Variants in TMTC2 observed in about 807,000 individuals in gnomAD.
TMTC2 encodes the protein protein O-mannosyl-transferase TMTC2.
TMTC2 carries 43 observed loss-of-function variants against 82.4 expected under a neutral mutation model. The ratio of observed to expected loss-of-function variants is 0.52; its 90% CI spans 0.41 to 0.67. The LOEUF (loss-of-function observed/expected upper bound fraction) is 0.67. TMTC2 is among the 30% of genes least tolerant of loss of function. TMTC2 has a pLI of 0.00. For missense variants in TMTC2, 919 were observed against 1,012.4 expected (o/e 0.91, Z 1.25); for synonymous variants, 408 against 381.9 (o/e 1.07, Z -0.80).
At chr12:82,849,326 G>GA (rs1242367182) in intron 1 of TMTC2, among the ~76,000 whole-genome samples, 1 of 151,998 alleles carries the variant, frequency 6.6e-6, no homozygotes, top group African/African-American at 2.4e-5. Flanking sequence ...GAAGGAAAGA[G>GA]AAAAAATGAT....
At chr12:82,809,546 A>C (rs920992139) in intron 1 of TMTC2, among the ~76,000 whole-genome samples, 12 of 152,170 alleles carry the variant, frequency 7.9e-5, no homozygotes, top group African/African-American at 2.7e-4. Flanking sequence ...GTGTTTAAAC[A>C]TACAGTATAT....
intron 1 of TMTC2, among the ~76,000 whole-genome samples, chr12:82,815,609 G>C (rs1868665529): frequency 6.6e-6 from 1 of 152,030 alleles, no homozygotes; most frequent in Non-Finnish European, 1.5e-5. Context: ...AAGGTTTATT[G>C]ATGTTGGCAT....
chr12:83,052,054 A>G (rs949964843), intron 10 of TMTC2, among the ~76,000 whole-genome samples: 1 of 152,024 alleles, frequency 6.6e-6, no homozygotes, highest in African/African-American at 2.4e-5. Flanking sequence ...TTAAATCCCT[A>G]CTTAAATGCT....
chr12:82,802,036 A>C (rs1592533270), intron 1 of TMTC2, among the ~76,000 whole-genome samples: 1 of 89,630 alleles, frequency 1.1e-5, no homozygotes, highest in Admixed American at 9.3e-5. Flanking sequence ...CCGTGCGCCC[A>C]CACACTCCTC....
chr12:82,993,453 C>A (rs1422495910), intron 8 of TMTC2, among the ~76,000 whole-genome samples: 2 of 151,416 alleles, frequency 1.3e-5, no homozygotes, highest in Non-Finnish European at 2.9e-5. Context: ...AACTTCATAG[C>A]CTAGATATAT....
At chr12:82,894,322 T>G (rs1180121398) in intron 2 of TMTC2, among the ~76,000 whole-genome samples, 2 of 152,122 alleles carry the variant, frequency 1.3e-5, no homozygotes, top group Non-Finnish European at 2.9e-5. Context: ...GAAAAGAGCA[T>G]TCATAATTAG....
chr12:82,966,808 A>C (rs2137306244), intron 6 of TMTC2, 111 bp from the exon 7 acceptor site: 1 of 685,714 alleles, frequency 1.5e-6, no homozygotes, highest in Middle Eastern at 3.9e-4. Context: ...TGAACCATTT[A>C]GAAATAGCAG....
At chr12:83,088,576 C>T (rs772679081) in intron 11 of TMTC2, among the ~76,000 whole-genome samples, 1 of 152,120 alleles carries the variant, frequency 6.6e-6, no homozygotes, top group Non-Finnish European at 1.5e-5. Context: ...ATTGTTGTGT[C>T]TCTAGGAATG....
chr12:82,958,846 G>C (rs1401557301), intron 4 of TMTC2, among the ~76,000 whole-genome samples: 1 of 151,968 alleles, frequency 6.6e-6, no homozygotes. Flanking sequence ...TTAGGCAAGA[G>C]AAAGAAATAA....
chr12:82,905,017 T>C (rs1464963537), intron 3 of TMTC2, among the ~76,000 whole-genome samples: 1 of 151,888 alleles, frequency 6.6e-6, no homozygotes, highest in Admixed American at 6.6e-5. Context: ...CTGCCTTTAT[T>C]TTCCCTTCCC....
rs1880518349 is a variant in TMTC2 at position 83,012,801 on chromosome 12, CA to C, written c.2071-17996del. Among the ~76,000 whole-genome samples the C allele has an allele frequency of 2.0e-5, 3 of 152,068 alleles. No individual in the cohort carries two copies. The South Asian group carries it at 6.2e-4, about 31-fold the overall frequency. On this transcript the variant is annotated intron_variant, in intron 8 of 11. Transcript: ENST00000321196. ...TGGTCGTGATGTTAATGAGTATGTA[CA>C]GTATTCTTCTGACAGGTATAACAGA...
intron 8 of TMTC2, among the ~76,000 whole-genome samples, chr12:83,018,701 A>G (rs1459106981): frequency 6.6e-6 from 1 of 151,448 alleles, no homozygotes; most frequent in Admixed American, 6.6e-5. Context: ...GGTGTTACCA[A>G]TTATGGCAAT....
chr12:83,097,806 C>T (rs1884083474), intron 11 of TMTC2, among the ~76,000 whole-genome samples: 1 of 152,088 alleles, frequency 6.6e-6, no homozygotes, highest in South Asian at 2.1e-4. Context: ...TATGCGCATG[C>T]ACAGGAAGAA....
At chr12:82,767,781 C>T (rs148744826) in intron 1 of TMTC2, among the ~76,000 whole-genome samples, 2 of 152,044 alleles carry the variant, frequency 1.3e-5, no homozygotes, top group South Asian at 2.1e-4. Context: ...TTTCTTCTTA[C>T]GAAAATTGAA....
chr12:82,740,417 G>A lies in TMTC2; in HGVS notation c.83+52748G>A, dbSNP rs1054113242. ...TCTAATGGCTACTTATTTCCTCCTG[G>A]TCATTTTTTCTTCCATTTACTGGCT... On this transcript the variant is annotated intron_variant, in intron 1 of 11. Transcript: ENST00000321196. Among the ~76,000 whole-genome samples the A allele has an allele frequency of 2.0e-5, 3 of 152,240 alleles. No individual in the cohort carries two copies. The South Asian group carries it at 6.2e-4, about 32-fold the overall frequency.
At position 83,004,707 on chromosome 12, in the gene TMTC2, G is replaced by A. The variant is rs1018268361; in HGVS notation, c.2070+18661G>A. ...ATTCCTGCATTTTGTTTCACAGGCA[G>A]TGTATACTGGCCGAATTTTTTTTTT... On this transcript the variant is annotated intron_variant, in intron 8 of 11. Transcript: ENST00000321196. Among the ~76,000 whole-genome samples, 5 of 110,444 alleles carry A rather than the reference G, an allele frequency of 4.5e-5. No individual in the cohort carries two copies. In the East Asian group the frequency reaches 1.6e-3, roughly 35 times the overall value. 72.5% of individuals were successfully genotyped at this position (110,444 alleles called of 152,430 possible).
intron 4 of TMTC2, among the ~76,000 whole-genome samples, chr12:82,957,930 G>A (rs1877703199): frequency 6.6e-6 from 1 of 152,038 alleles, no homozygotes; most frequent in Admixed American, 6.6e-5. Flanking sequence ...TAGAGTCACA[G>A]CTGAATTCTA....
At chr12:82,808,469 C>T (rs774140660) in intron 1 of TMTC2, among the ~76,000 whole-genome samples, 9 of 151,846 alleles carry the variant, frequency 5.9e-5, no homozygotes, top group Non-Finnish European at 4.4e-5. Context: ...AATCTTTAAC[C>T]AGGTAGTGAA....
At chr12:82,694,118 G>T (rs1329116521) in intron 1 of TMTC2, among the ~76,000 whole-genome samples, 1 of 151,912 alleles carries the variant, frequency 6.6e-6, no homozygotes, top group Non-Finnish European at 1.5e-5. Flanking sequence ...GTAAACCTGA[G>T]AATTTTGAAA....
Sources: gnomAD v4.1 joint callset for allele counts (sites outside exome capture counted in the v4.1 genomes callset) on GRCh38, gnomAD v4.1.1 for gene constraint, MANE v1.5 for transcripts, NCBI Gene and HGNC (gene_info 2026-07-23, HGNC 2026-07-21) for gene names.